The following CST2 variants were observed in gnomAD, a reference collection of about 807,000 sequenced individuals.
CST2 encodes cystatin SA.
CST2 carries 26 observed loss-of-function variants against 13.4 expected under a neutral mutation model. That is an observed-to-expected ratio of 1.95 (90% CI 1.43 to 2.70). The LOEUF is 2.70. Ranked by LOEUF, CST2 falls within the 30% of genes most tolerant of loss-of-function variation. The pLI, the probability that CST2 is intolerant of heterozygous loss-of-function variation, is 0.00. For synonymous variants in CST2, 105 were observed against 71.1 expected, an observed-to-expected ratio of 1.48 and a Z score of -2.40; for missense variants, 243 against 173.4, an observed-to-expected ratio of 1.40 and a Z score of -2.25.
At chr20:23,824,546 T>C (rs945678662) in intron 2 of CST2, among the ~76,000 whole-genome samples, 14 of 152,146 alleles carry the variant, frequency 9.2e-5, no homozygotes, top group Non-Finnish European at 1.6e-4. Context: ...AAGGGGAGTG[T>C]GGCTCTCCCC....
intron 1 of CST2, 35 bp downstream of exon 1, chr20:23,826,398 G>A (rs1205721877): frequency 2.5e-6 from 4 of 1,579,050 alleles, no homozygotes; most frequent in Admixed American, 1.7e-5. Context: ...AACAAGGCTG[G>A]GACTCAGGAC....
In CST2 at chr20:23,825,332, A is replaced by G. The variant is rs376182750; in HGVS notation, c.229-9T>C. 93 of 1,613,906 alleles carry G rather than the reference A, an allele frequency of 5.8e-5. No homozygotes were observed. Among genetic ancestry groups the G allele is most frequent in the Non-Finnish European group, 7.4e-5 (87 of 1,179,926 alleles). ...TTCACCCCGCCCACGATCTACACAC[A>G]TGAGAAAACAGGATGCACGGACAGC... On this transcript the variant is annotated splice_polypyrimidine_tract_variant and intron_variant, in intron 1 of 2. Transcript: ENST00000304725.
At chr20:23,825,021 C>G (rs551993016) in intron 2 of CST2, among the ~76,000 whole-genome samples, 189 bp downstream of exon 2, 1 of 152,074 alleles carries the variant, frequency 6.6e-6, no homozygotes, top group Non-Finnish European at 1.5e-5. Flanking sequence ...CACACATGCA[C>G]CTTTCCACAT....
At chr20:23,825,814 C>T (rs966514353) in intron 1 of CST2, among the ~76,000 whole-genome samples, 4 of 152,158 alleles carry the variant, frequency 2.6e-5, no homozygotes, top group African/African-American at 9.7e-5. Context: ...TTTGAATTTC[C>T]AAGAGAAGGT....
rs1276130099 is a variant in CST2 at position 23,825,140 on chromosome 20, G to T, written c.342+70C>A. 1.9e-6 allele frequency: 3 copies of T among 1,584,078 alleles called. No individual in the cohort carries two copies. In the East Asian group the frequency reaches 6.7e-5, roughly 35 times the overall value. On this transcript the variant is annotated intron_variant, in intron 2 of 2. Coordinates refer to ENST00000304725, the MANE Select transcript of CST2 (RefSeq NM_001322.3). ...CACACACACCCTCCAAACATGTGTA[G>T]GGCAGAGACTGACACATACGCACCC...
chr20:23,825,707 C>T (rs530665246), intron 1 of CST2, among the ~76,000 whole-genome samples: 4 of 152,292 alleles, frequency 2.6e-5, no homozygotes, highest in Admixed American at 6.5e-5. Context: ...GAGGTGGAGG[C>T]AAGCGGGGAC....
In CST2 at chr20:23,825,196, C is replaced by T. The variant is rs1984791709; in HGVS notation, c.342+14G>A. 3.2e-5 allele frequency: 52 copies of T among 1,613,992 alleles called. No homozygotes were observed. Among genetic ancestry groups the T allele is most frequent in the Non-Finnish European group, 4.4e-5 (52 of 1,179,992 alleles). On this transcript the variant is annotated intron_variant, in intron 2 of 2. Coordinates refer to ENST00000304725, the MANE Select transcript of CST2 (RefSeq NM_001322.3). ...CAGTGCATGACTGGCCTGGGACCCG[C>T]ATCAGGAACGTACCTTCTGCAGTTC...
chr20:23,823,973 AG>A lies in CST2; in HGVS notation c.*46del. On this transcript the variant is annotated 3_prime_UTR_variant, in exon 3 of 3. Coordinates refer to ENST00000304725, the MANE Select transcript of CST2 (RefSeq NM_001322.3). The stretch of plus-strand genomic sequence containing the variant: ...CCAGTCCAGGGGTGGGAGCACTACA[AG>A]GGGTGGGAGTAGGAGGTGGTCAGTG... 1.3e-6 allele frequency: 2 copies of A among 1,599,916 alleles called. No homozygotes were observed. Among genetic ancestry groups the A allele is most frequent in the Non-Finnish European group, 8.6e-7 (1 of 1,168,210 alleles).
Position 23,823,796 on chromosome 20 carries a change from G to C in CST2, c.*224C>G, listed in dbSNP as rs535776349. Reference sequence around the variant, plus strand: ...TGATGCTACTGTTTAATTGCAGGAGGTGGGGGTGTGTGTACCATGTACCAG... The same window carrying C: ...TGATGCTACTGTTTAATTGCAGGAGCTGGGGGTGTGTGTACCATGTACCAG... On this transcript the variant is annotated 3_prime_UTR_variant, in exon 3 of 3. Transcript: ENST00000304725. The C allele has an allele frequency of 3.6e-6, 2 of 562,558 alleles. No homozygotes were observed. Among genetic ancestry groups the C allele is most frequent in the Admixed American group, 3.0e-5 (1 of 32,990 alleles). The allele number at this position is 562,558 out of a possible 1,614,324, so 34.8% of individuals were successfully genotyped here.
chr20:23,824,038 G>T lies in CST2; in HGVS notation c.408C>A (p.Ser136=). ...PWEDRMSLVN[S]RCQEA ...CAGATCCCTAGGCTTCTTGACACCT[G>T]GAATTCACCAGGGACATTCTGTCCT... Residue 136 remains serine, a synonymous_variant, in exon 3 of 3, where the codon TCC becomes TCA. Coordinates refer to ENST00000304725, the MANE Select transcript of CST2 (RefSeq NM_001322.3). 1 of 1,614,076 alleles carries T rather than the reference G, an allele frequency of 6.2e-7. No homozygotes were observed.
chr20:23,826,677 G>A lies in CST2; in HGVS notation c.-17C>T, dbSNP rs1357961870. 1.3e-6 allele frequency: 2 copies of A among 1,574,858 alleles called. No individual in the cohort carries two copies. Among genetic ancestry groups the A allele is most frequent in the East Asian group, 4.6e-5 (2 of 43,480 alleles). ...CCAGGCCATGGTCTCCTCGGAGGCA[G>A]AGCACAGAGCTGGAGCTGCAGGAGA... On this transcript the variant is annotated 5_prime_UTR_variant, in exon 1 of 3. Coordinates refer to ENST00000304725, the MANE Select transcript of CST2 (RefSeq NM_001322.3).
chr20:23,826,396 T>C (rs768839128), intron 1 of CST2, 37 bp downstream of exon 1: 174 of 1,574,014 alleles, frequency 1.1e-4, no homozygotes, highest in Admixed American at 5.7e-4. Flanking sequence ...CAAACAAGGC[T>C]GGGACTCAGG....
At chr20:23,825,072 G>T (rs1242197075) in intron 2 of CST2, 138 bp downstream of exon 2, 8 of 1,228,044 alleles carry the variant, frequency 6.5e-6, no homozygotes, top group Non-Finnish European at 9.5e-6. Context: ...ACATGAACAT[G>T]TATACATCCA....
chr20:23,824,909 G>T (rs1261931166), intron 2 of CST2, among the ~76,000 whole-genome samples: 2 of 151,800 alleles, frequency 1.3e-5, no homozygotes, highest in Admixed American at 1.3e-4. Flanking sequence ...AACTCACTTG[G>T]ACCCCTCAAC....
intron 1 of CST2, among the ~76,000 whole-genome samples, 188 bp downstream of exon 1, chr20:23,826,245 C>A (rs1488552027): frequency 6.6e-6 from 1 of 152,176 alleles, no homozygotes; most frequent in African/African-American, 2.4e-5. Context: ...CATCCAGAGT[C>A]AGCATAGTCT....
Position 23,826,558 on chromosome 20 carries a change from A to G in CST2, c.103T>C (p.Tyr35His). 1 of 1,614,142 alleles carries G rather than the reference A, an allele frequency of 6.2e-7. No individual in the cohort carries two copies. Among genetic ancestry groups the G allele is most frequent in the Non-Finnish European group, 8.5e-7 (1 of 1,179,996 alleles). ...EEDRIIEGGI[Y>H]DADLNDERVQ... is the part of the protein sequence containing the mutation. ...CGCTCATCATTGAGGTCTGCATCAT[A>G]GATGCCACCCTCGATTATCCTGTCC... The change falls in exon 1 of 3, where the codon TAT becomes CAT. Residue 35 changes from tyrosine (Y) to histidine (H), a missense_variant. Physicochemically the swap from Tyr to His is moderately conservative, Grantham distance 83. Coordinates refer to ENST00000304725, the MANE Select transcript of CST2 (RefSeq NM_001322.3).
Position 23,825,280 on chromosome 20 carries a change from C to G in CST2, c.272G>C (p.Arg91Pro). ...GGGCTGGGACTTGGTACATATGGTTCGGCCCACCTCTATGTCGAAGAAGTA... is the reference window on the plus strand; with the variant it reads ...GGGCTGGGACTTGGTACATATGGTTGGGCCCACCTCTATGTCGAAGAAGTA... Reference protein sequence around the residue: ...VNYFFDIEVGRTICTKSQPNL... With the variant: ...VNYFFDIEVGPTICTKSQPNL... Residue 91 changes from arginine to proline, a missense_variant, in exon 2 of 3, where the codon CGA (arginine) becomes CCA (proline). Transcript: ENST00000304725. 6.2e-7 allele frequency: 1 copy of G among 1,614,022 alleles called. No homozygotes were observed. The highest frequency in any genetic ancestry group is 1.3e-5 in the African/African-American group (1 of 74,994).
chr20:23,824,933 G>A (rs949933757), intron 2 of CST2, among the ~76,000 whole-genome samples: 2 of 151,916 alleles, frequency 1.3e-5, no homozygotes, highest in African/African-American at 4.8e-5. Flanking sequence ...ATGGATCTAT[G>A]TACAAACCCC....
chr20:23,826,718 G>A lies in CST2; in HGVS notation c.-58C>T. 2 of 1,478,036 alleles carry A rather than the reference G, an allele frequency of 1.4e-6. No homozygotes were observed. The highest frequency in any genetic ancestry group is 1.8e-6 in the Non-Finnish European group (2 of 1,099,752). 91.6% of individuals were successfully genotyped at this position (1,478,036 alleles called of 1,614,324 possible). ...CTGCAGGAGAGGAGGTTGAGAGCCT[G>A]AGGCGGGGATCCCAGACCAGCAGGC... On this transcript the variant is annotated 5_prime_UTR_variant, in exon 1 of 3. Transcript: ENST00000304725.
Sources: allele counts gnomAD v4.1 joint callset (sites outside exome capture counted in the v4.1 genomes callset), GRCh38; gene constraint gnomAD v4.1.1; transcripts MANE v1.5; gene names NCBI Gene and HGNC (gene_info 2026-07-23, HGNC 2026-07-21).